Variants in PARM1 observed in about 807,000 individuals in gnomAD.
The protein encoded by PARM1 is WSC4, cell wall integrity and stress response component 4 homolog.
Under a neutral mutation model 24.6 loss-of-function variants are expected in PARM1, and 14 were observed. The observed-to-expected ratio is 0.57, with a 90% CI of 0.38 to 0.89. The LOEUF (loss-of-function observed/expected upper bound fraction) is 0.89. PARM1 is among the 40% of genes least tolerant of loss of function. The pLI is 0.00. For synonymous variants in PARM1, 179 were observed against 156.6 expected, an observed-to-expected ratio of 1.14 and a Z score of -1.07; for missense variants, 362 against 380.4, an observed-to-expected ratio of 0.95 and a Z score of 0.40.
At chr4:75,039,224 A>C (rs1234431171) in intron 3 of PARM1, among the ~76,000 whole-genome samples, 1 of 152,202 alleles carries the variant, frequency 6.6e-6, no homozygotes, top group Non-Finnish European at 1.5e-5. Context: ...GAATCAATGG[A>C]AGAGTTTATT....
intron 1 of PARM1, among the ~76,000 whole-genome samples, chr4:74,991,968 A>G (rs1018124324): frequency 2.6e-5 from 4 of 152,198 alleles, no homozygotes; most frequent in African/African-American, 7.2e-5. Context: ...CTTGTGTTCA[A>G]TTAATTTGCT....
intron 1 of PARM1, among the ~76,000 whole-genome samples, chr4:74,948,743 C>T (rs1257347203): frequency 6.6e-6 from 1 of 152,204 alleles, no homozygotes; most frequent in Non-Finnish European, 1.5e-5. Flanking sequence ...GCATTATAGG[C>T]CAGGTGCCTT....
chr4:74,950,195 C>T (rs1011235025), intron 1 of PARM1, among the ~76,000 whole-genome samples: 1 of 152,110 alleles, frequency 6.6e-6, no homozygotes, highest in Non-Finnish European at 1.5e-5. Context: ...CCTGAGGCTG[C>T]CATAACAAAT....
intron 2 of PARM1, among the ~76,000 whole-genome samples, chr4:75,033,538 C>A (rs184648792): frequency 6.6e-6 from 1 of 152,146 alleles, no homozygotes; most frequent in Non-Finnish European, 1.5e-5. Flanking sequence ...AACCCACTAC[C>A]CCTGCAAACA....
At chr4:74,937,551 T>G (rs1199125796) in intron 1 of PARM1, among the ~76,000 whole-genome samples, 3 of 152,250 alleles carry the variant, frequency 2.0e-5, no homozygotes, top group Admixed American at 6.5e-5. Context: ...TGCATTTTTT[T>G]ATCTACAAAA....
rs72860924 is a variant in PARM1 at position 74,954,690 on chromosome 4, G to A, written c.43+21320G>A. On this transcript the variant is annotated intron_variant, in intron 1 of 3. Transcript: ENST00000307428. ...CTGCACCTGTGGGAGAGCAATTTCT[G>A]CTGGTTTCAATGATAGTGGAAAAGT... 6.8e-3 allele frequency among the ~76,000 whole-genome samples: 1,039 copies of A among 152,282 alleles called. 13 individuals carry two copies. Among genetic ancestry groups the A allele is most frequent in the African/African-American group, 0.024 (980 of 41,560 alleles).
At chr4:74,983,149 C>G (rs1428585256) in intron 1 of PARM1, among the ~76,000 whole-genome samples, 1 of 152,144 alleles carries the variant, frequency 6.6e-6, no homozygotes, top group Non-Finnish European at 1.5e-5. Flanking sequence ...CAAGAAGACT[C>G]TAGAGCATTC....
intron 1 of PARM1, among the ~76,000 whole-genome samples, chr4:74,982,630 A>G (rs912742848): frequency 6.6e-6 from 1 of 152,178 alleles, no homozygotes; most frequent in Non-Finnish European, 1.5e-5. Flanking sequence ...TCCTAAGATT[A>G]GGGTTTGAGA....
At chr4:75,034,133 G>C (rs912736468) in intron 3 of PARM1, among the ~76,000 whole-genome samples, 172 bp downstream of exon 3, 3 of 152,078 alleles carry the variant, frequency 2.0e-5, no homozygotes, top group Non-Finnish European at 4.4e-5. Flanking sequence ...AGGTATAGAC[G>C]TACAGTATCT....
chr4:75,017,401 A>G (rs1723009094), intron 2 of PARM1, among the ~76,000 whole-genome samples: 1 of 152,066 alleles, frequency 6.6e-6, no homozygotes, highest in Non-Finnish European at 1.5e-5. Flanking sequence ...CACACTGGAG[A>G]TACTCCTGTC....
At chr4:74,994,399 A>T (rs1384506573) in intron 1 of PARM1, among the ~76,000 whole-genome samples, 2 of 152,124 alleles carry the variant, frequency 1.3e-5, no homozygotes, top group East Asian at 3.8e-4. Context: ...CCCTTCATTA[A>T]TTATTCTGTA....
chr4:74,951,611 C>T (rs116321161), intron 1 of PARM1, among the ~76,000 whole-genome samples: 3,964 of 152,082 alleles, frequency 0.026, 170 homozygotes, highest in African/African-American at 0.091. Context: ...CGCGACAGGC[C>T]CCAAATGATG....
At chr4:75,042,612 A>G (rs1007102681) in intron 3 of PARM1, among the ~76,000 whole-genome samples, 5 of 151,888 alleles carry the variant, frequency 3.3e-5, no homozygotes, top group Non-Finnish European at 7.4e-5. Context: ...TACACTATGC[A>G]AATGCCAATC....
intron 1 of PARM1, among the ~76,000 whole-genome samples, chr4:74,966,054 C>T (rs75235838): frequency 0.041 from 6,198 of 152,208 alleles, 405 homozygotes; most frequent in African/African-American, 0.14. Flanking sequence ...CACATAGCAA[C>T]TTTTCTATAA....
chr4:75,027,497 G>A (rs1052126197), intron 2 of PARM1, among the ~76,000 whole-genome samples: 5 of 152,136 alleles, frequency 3.3e-5, no homozygotes, highest in African/African-American at 9.7e-5. Context: ...CTAGGTTGCA[G>A]TGTCTAAGAA....
rs139787475 is a variant in PARM1, at chr4:75,035,088, C to T, written c.848+1127C>T. 1.0e-3 allele frequency among the ~76,000 whole-genome samples: 152 copies of T among 152,296 alleles called. 1 individual carries two copies. Among genetic ancestry groups the T allele is most frequent in the African/African-American group, 3.5e-3 (146 of 41,570 alleles). On this transcript the variant is annotated intron_variant, in intron 3 of 3. Coordinates refer to ENST00000307428, the MANE Select transcript of PARM1 (RefSeq NM_015393.4). ...GCTACTTCCTCCATGAGATGCTTGT[C>T]TTCTAGCTCCTTCTCATGCTGTGTA... is the stretch of plus-strand genomic sequence containing the variant.
At position 75,029,124 on chromosome 4, in the gene PARM1, G is replaced by A. The variant is rs373690451; in HGVS notation, c.770-4759G>A. Among the ~76,000 whole-genome samples the A allele has an allele frequency of 3.7e-3, 562 of 152,222 alleles. 5 individuals carry two copies. Among genetic ancestry groups the A allele is most frequent in the Middle Eastern group, 0.027 (8 of 294 alleles). On this transcript the variant is annotated intron_variant, in intron 2 of 3. Transcript: ENST00000307428. ...GGGCCCATGGGGATGTGTGAGTGTG[G>A]GGAGAGAGACTCTTAAATGATGCCA...
At chr4:75,015,304 G>T (rs932095110) in intron 2 of PARM1, among the ~76,000 whole-genome samples, 4 of 152,142 alleles carry the variant, frequency 2.6e-5, no homozygotes, top group African/African-American at 9.7e-5. Context: ...AGGCCAGCAG[G>T]GTCAAGAGGC....
chr4:75,008,549 C>T (rs539377620), intron 1 of PARM1, among the ~76,000 whole-genome samples: 5 of 152,160 alleles, frequency 3.3e-5, no homozygotes, highest in Admixed American at 2.0e-4. Context: ...TCTTTCAGGA[C>T]GAATTCAAAT....
Sources: allele counts gnomAD v4.1 joint callset (sites outside exome capture counted in the v4.1 genomes callset), GRCh38; gene constraint gnomAD v4.1.1; transcripts MANE v1.5; gene names NCBI Gene and HGNC (gene_info 2026-07-23, HGNC 2026-07-21).